Variants in COL7A1 observed in about 807,000 individuals in gnomAD.
COL7A1 encodes the protein collagen alpha-1(VII) chain.
COL7A1 carries 296 observed loss-of-function variants against 456.2 expected under a neutral mutation model. That is an observed-to-expected ratio of 0.65 (90% CI 0.59 to 0.71). The LOEUF is 0.71. Ranked by LOEUF, COL7A1 falls within the 30% of genes least tolerant of loss-of-function variation. The pLI is 0.00. For missense variants in COL7A1, 3,441 were observed against 4,017.2 expected (o/e 0.86, Z 3.88); for synonymous variants, 1,464 against 1,525.9 (o/e 0.96, Z 0.95).
Position 48,573,900 on chromosome 3 carries a change from G to C in COL7A1, c.6502-10C>G, listed in dbSNP as rs200193957. The C allele has an allele frequency of 1.5e-4, 250 of 1,613,014 alleles. No homozygotes were observed. The highest frequency in any genetic ancestry group is 3.8e-4 in the Admixed American group (23 of 59,966). ...TTGGACCCTGCAGACCCTACATAGAGAGGGCACTGATGAGCCTCAATCTGG... is the reference window on the plus strand; with the variant it reads ...TTGGACCCTGCAGACCCTACATAGACAGGGCACTGATGAGCCTCAATCTGG... On this transcript the variant is annotated splice_polypyrimidine_tract_variant and intron_variant, in intron 80 of 118. Transcript: ENST00000681320. The surrounding 1 kb of genome is among the most constrained non-coding windows in gnomAD (Gnocchi z 5.5).
rs1210025426 is a variant in COL7A1 at position 48,593,130 on chromosome 3, A to G, written c.654T>C (p.Thr218=). The G allele has an allele frequency of 5.0e-6, 8 of 1,614,018 alleles. No individual in the cohort carries two copies. The highest frequency in any genetic ancestry group is 1.6e-4 in the Middle Eastern group (1 of 6,084). ...GTCGGGTCACAGGCACGCCACCAGC[A>G]GTCGTGCACACTCTCCGGGAAACGA... ...LPLVSRRVCT[T]AGGVPVTRPP... The change falls in exon 6 of 119, where the codon ACT becomes ACC. Residue 218 remains threonine (T), a synonymous_variant. Coordinates refer to ENST00000681320, the MANE Select transcript of COL7A1 (RefSeq NM_000094.4). This position sits in a 1 kb window ranked among gnomAD's most constrained non-coding sequence, Gnocchi z 4.4.
In COL7A1 at chr3:48,587,910, G is replaced by A. The variant is rs777216448; in HGVS notation, c.2740C>T (p.Pro914Ser). Residue 914 changes from proline (P) to serine (S), a missense_variant, in exon 22 of 119, where the codon CCC (proline) becomes TCC (serine). Pro to Ser is a moderately conservative substitution (Grantham distance 74). Transcript: ENST00000681320. This position sits in a 1 kb window ranked among gnomAD's most constrained non-coding sequence, Gnocchi z 6.1. ...GGQEQSRVLG[P>S]ELSSYHLDGL... The stretch of plus-strand genomic sequence containing the variant: ...TCCAGGTGATAGCTGCTGAGCTCGG[G>A]CCCCAGGACCCGGGACTGTTCCTGG... 3 of 1,604,340 alleles carry A rather than the reference G, an allele frequency of 1.9e-6. No homozygotes were observed. The highest frequency in any genetic ancestry group is 2.2e-5 in the South Asian group (2 of 89,784).
At position 48,578,884 on chromosome 3, in the gene COL7A1, G is replaced by C; in HGVS notation, c.5424+35C>G. On this transcript the variant is annotated intron_variant, in intron 63 of 118. Transcript: ENST00000681320. The surrounding 1 kb of genome is among the most constrained non-coding windows in gnomAD (Gnocchi z 4.7). Reference sequence around the variant, plus strand: ...ATCTGGTTGGAGCTTACGCAGCCCCGAGCCCCCTCTGTCCCAGCATCTCCC... The same window carrying C: ...ATCTGGTTGGAGCTTACGCAGCCCCCAGCCCCCTCTGTCCCAGCATCTCCC... 1 of 1,605,692 alleles carries C rather than the reference G, an allele frequency of 6.2e-7. No homozygotes were observed. The highest frequency in any genetic ancestry group is 1.1e-5 in the South Asian group (1 of 90,334).
rs199607424 is a variant in COL7A1 at position 48,593,525 on chromosome 3, G to T, written c.426+12C>A. On this transcript the variant is annotated intron_variant, in intron 4 of 118. Coordinates refer to ENST00000681320, the MANE Select transcript of COL7A1 (RefSeq NM_000094.4). This position sits in a 1 kb window ranked among gnomAD's most constrained non-coding sequence, Gnocchi z 4.4. ...GGGTCATCTTGGGAGGCATGGTAGG[G>T]GTAGGGATCACCTTGGGGACACCAG... is the stretch of plus-strand genomic sequence containing the variant. 7 of 1,614,012 alleles carry T rather than the reference G, an allele frequency of 4.3e-6. No individual in the cohort carries two copies. The highest frequency in any genetic ancestry group is 1.7e-5 in the Admixed American group (1 of 60,002).
chr3:48,587,796 T>C lies in COL7A1; in HGVS notation c.2854A>G (p.Thr952Ala), dbSNP rs1559424260. 1 of 1,613,266 alleles carries C rather than the reference T, an allele frequency of 6.2e-7. No individual in the cohort carries two copies. Among genetic ancestry groups the C allele is most frequent in the South Asian group, 1.1e-5 (1 of 91,074 alleles). Residue 952 changes from threonine to alanine, a missense_variant, in exon 22 of 119, where the codon ACT becomes GCT. By Grantham distance (58) the Thr-to-Ala change is moderately conservative (BLOSUM62 0). Transcript: ENST00000681320. The surrounding 1 kb of genome is among the most constrained non-coding windows in gnomAD (Gnocchi z 6.1). ...CGCCAAGGTGAGGCAGGCTTACCAG[T>C]GCGCGCAGTCACCTCTGCAGAGGGC... is the stretch of plus-strand genomic sequence containing the variant. ...EGPSAEVTAR[T>A]ESPRVPSIEL...
Position 48,568,486 on chromosome 3 carries a change from A to G in COL7A1, c.7794+13T>C. The G allele has an allele frequency of 6.2e-7, 1 of 1,600,920 alleles. No individual in the cohort carries two copies. On this transcript the variant is annotated intron_variant, in intron 105 of 118. Coordinates refer to ENST00000681320, the MANE Select transcript of COL7A1 (RefSeq NM_000094.4). The surrounding 1 kb of genome is among the most constrained non-coding windows in gnomAD (Gnocchi z 5.2). ...GGGGACAGGGGGCCCCTGTGGGAGC[A>G]GGGGCATCTTACCGGGTCACCAGGG...
chr3:48,588,281 C>G lies in COL7A1; in HGVS notation c.2710+1G>C. 1 of 1,613,066 alleles carries G rather than the reference C, an allele frequency of 6.2e-7. No individual in the cohort carries two copies. Among genetic ancestry groups the G allele is most frequent in the Admixed American group, 1.7e-5 (1 of 60,026 alleles). The stretch of plus-strand genomic sequence containing the variant: ...AACTTCCTCCTGGGGACACCTCTCA[C>G]CCTCAGGTTGCCAGTGCAGAAGGAA... On this transcript the variant is annotated splice_donor_variant, in intron 21 of 118. Coordinates refer to ENST00000681320, the MANE Select transcript of COL7A1 (RefSeq NM_000094.4). LOFTEE classifies it high-confidence loss of function. The surrounding 1 kb of genome is among the most constrained non-coding windows in gnomAD (Gnocchi z 4.6).
In COL7A1 at chr3:48,582,199, C is replaced by T. The variant is rs150603557; in HGVS notation, c.4635+124G>A. 15 of 1,555,834 alleles carry T rather than the reference C, an allele frequency of 9.6e-6. No individual in the cohort carries two copies. In the Middle Eastern group the frequency reaches 5.2e-4, roughly 54 times the overall value. ...GGGGCAGGTTCTAGCAGAAGGAGAG[C>T]CGCAGAGCTCCCAGCCTGCTCACGG... is the stretch of plus-strand genomic sequence containing the variant. On this transcript the variant is annotated intron_variant, in intron 47 of 118. Transcript: ENST00000681320.
Position 48,578,620 on chromosome 3 carries a change from C to T in COL7A1, c.5425-105G>A. ...AAAAGATCTCCCTCCAGGGTAGAGA[C>T]CCCCAGGACTGAGAGGTCCCATTGA... On this transcript the variant is annotated intron_variant, in intron 63 of 118. Coordinates refer to ENST00000681320, the MANE Select transcript of COL7A1 (RefSeq NM_000094.4). This position sits in a 1 kb window ranked among gnomAD's most constrained non-coding sequence, Gnocchi z 4.7. 2 of 1,314,886 alleles carry T rather than the reference C, an allele frequency of 1.5e-6. No homozygotes were observed. Among genetic ancestry groups the T allele is most frequent in the South Asian group, 1.2e-5 (1 of 81,438 alleles). 81.5% of individuals were successfully genotyped at this position (1,314,886 alleles called of 1,614,324 possible).
Position 48,580,038 on chromosome 3 carries a change from C to T in COL7A1, c.5117G>A (p.Gly1706Glu). 2 of 1,613,994 alleles carry T rather than the reference C, an allele frequency of 1.2e-6. No homozygotes were observed. Among genetic ancestry groups the T allele is most frequent in the Non-Finnish European group, 1.7e-6 (2 of 1,179,962 alleles). The change falls in exon 57 of 119, where the codon GGA (glycine) becomes GAA (glutamate). Residue 1706 changes from glycine (G) to glutamate (E), a missense_variant. Physicochemically the swap from Gly to Glu is moderately conservative, Grantham distance 98 (BLOSUM62 -2). This residue lies in a region of COL7A1 where 2,084 missense variants were observed against 2,501.3 expected (regional missense o/e 0.83). Coordinates refer to ENST00000681320, the MANE Select transcript of COL7A1 (RefSeq NM_000094.4). This position sits in a 1 kb window ranked among gnomAD's most constrained non-coding sequence, Gnocchi z 4.5. Reference sequence around the variant, plus strand: ...ACCCAGCGCAGCCCTTACCAGCCGTCCCGGGGGTCCTGGGGGACCCTGGGA... The same window carrying T: ...ACCCAGCGCAGCCCTTACCAGCCGTTCCGGGGGTCCTGGGGGACCCTGGGA... ...RGEPGPPGPP[G>E]RLVDTGPGAR...
In COL7A1 at chr3:48,572,712, C is replaced by G; in HGVS notation, c.6859G>C (p.Gly2287Arg). 6.2e-7 allele frequency: 1 copy of G among 1,608,732 alleles called. No individual in the cohort carries two copies. The highest frequency in any genetic ancestry group is 8.5e-7 in the Non-Finnish European group (1 of 1,177,604). ...PGSPGLPGPV[G>R]PKGEPGPTGA... ...GTGGGGCCAGGTTCTCCTTTAGGTC[C>G]GACAGGGCCAGGCAGACCTGGTGAC... The change falls in exon 88 of 119, where the codon GGA (glycine) becomes CGA (arginine). Residue 2287 changes from glycine (G) to arginine (R), a missense_variant. Physicochemically the swap from Gly to Arg is moderately radical, Grantham distance 125 (BLOSUM62 -2). This residue lies in a region of COL7A1 where 2,084 missense variants were observed against 2,501.3 expected (regional missense o/e 0.83). Transcript: ENST00000681320. The surrounding 1 kb of genome is among the most constrained non-coding windows in gnomAD (Gnocchi z 4.6).
At position 48,569,639 on chromosome 3, in the gene COL7A1, C is replaced by A. The variant is rs2043785243; in HGVS notation, c.7567G>T (p.Ala2523Ser). ...GGGCCTGGAGGCCCCAGGATCACAG[C>A]TGAGTCTCCCTGAGGGGGCAGGCAG... ...AGLKGDKGDS[A>S]VILGPPGPRG... Residue 2523 changes from alanine (A) to serine (S), a missense_variant, in exon 102 of 119, where the codon GCT becomes TCT. Physicochemically the swap from Ala to Ser is moderately conservative, Grantham distance 99. Coordinates refer to ENST00000681320, the MANE Select transcript of COL7A1 (RefSeq NM_000094.4). The surrounding 1 kb of genome is among the most constrained non-coding windows in gnomAD (Gnocchi z 4.9). 6.2e-7 allele frequency: 1 copy of A among 1,613,830 alleles called. No individual in the cohort carries two copies. Among genetic ancestry groups the A allele is most frequent in the Middle Eastern group, 1.6e-4 (1 of 6,084 alleles).
rs1266475243 is a variant in COL7A1 at position 48,574,239 on chromosome 3, C to T, written c.6501+23G>A. The T allele has an allele frequency of 6.2e-7, 1 of 1,613,876 alleles. No homozygotes were observed. Among genetic ancestry groups the T allele is most frequent in the Non-Finnish European group, 8.5e-7 (1 of 1,179,962 alleles). On this transcript the variant is annotated intron_variant, in intron 80 of 118. Transcript: ENST00000681320. This position sits in a 1 kb window ranked among gnomAD's most constrained non-coding sequence, Gnocchi z 5.0. Reference sequence around the variant, plus strand: ...TAGCGGAGGGTCCGGAGCCTGGGGCCAGGTGCTTCAGCCACCACTCACCGG... The same window carrying T: ...TAGCGGAGGGTCCGGAGCCTGGGGCTAGGTGCTTCAGCCACCACTCACCGG...
chr3:48,587,346 A>C lies in COL7A1; in HGVS notation c.2993-10T>G. On this transcript the variant is annotated splice_polypyrimidine_tract_variant and intron_variant, in intron 23 of 118. Transcript: ENST00000681320. This position sits in a 1 kb window ranked among gnomAD's most constrained non-coding sequence, Gnocchi z 6.1. ...GGGGACCCAGGCACTTCTGCAGGAG[A>C]CAGAACTTGATTAAAAAGCTGTCTC... 6.2e-7 allele frequency: 1 copy of C among 1,609,116 alleles called. No individual in the cohort carries two copies. Among genetic ancestry groups the C allele is most frequent in the East Asian group, 2.2e-5 (1 of 44,646 alleles).
rs1466823994 is a variant in COL7A1, at chr3:48,574,300, G to A, written c.6463C>T (p.Pro2155Ser). 5.0e-6 allele frequency: 8 copies of A among 1,614,090 alleles called. No individual in the cohort carries two copies. The highest frequency in any genetic ancestry group is 1.3e-5 in the African/African-American group (1 of 74,982). Residue 2155 changes from proline to serine, a missense_variant, in exon 80 of 119, where the codon CCA becomes TCA. Pro to Ser is a moderately conservative substitution (Grantham distance 74, BLOSUM62 -1). This residue lies in a region of COL7A1 where 2,084 missense variants were observed against 2,501.3 expected (regional missense o/e 0.83). Coordinates refer to ENST00000681320, the MANE Select transcript of COL7A1 (RefSeq NM_000094.4). This position sits in a 1 kb window ranked among gnomAD's most constrained non-coding sequence, Gnocchi z 5.0. ...PRGQDGNPGL[P>S]GERGMAGPEG... ...GGCCCAGCCATACCACGCTCTCCTG[G>A]TAGACCCTGCAGAGAATAGGTTTAA... is the stretch of plus-strand genomic sequence containing the variant.
rs779640568 is a variant in COL7A1 at position 48,564,363 on chromosome 3, G to A, written c.*43C>T. ...GACAGTGGGGTTCTGCTGAGACCCCGACTCCTCCAGGGGATGCTGAATCTC... is the reference window on the plus strand; with the variant it reads ...GACAGTGGGGTTCTGCTGAGACCCCAACTCCTCCAGGGGATGCTGAATCTC... On this transcript the variant is annotated 3_prime_UTR_variant, in exon 119 of 119. Coordinates refer to ENST00000681320, the MANE Select transcript of COL7A1 (RefSeq NM_000094.4). This position sits in a 1 kb window ranked among gnomAD's most constrained non-coding sequence, Gnocchi z 6.0. The A allele has an allele frequency of 1.4e-5, 22 of 1,612,482 alleles. No homozygotes were observed. Among genetic ancestry groups the A allele is most frequent in the Admixed American group, 1.7e-5 (1 of 59,992 alleles).
In COL7A1 at chr3:48,585,841, G is replaced by C. The variant is rs757165321; in HGVS notation, c.3775C>G (p.Pro1259Ala). The C allele has an allele frequency of 1.2e-6, 2 of 1,613,952 alleles. No individual in the cohort carries two copies. The highest frequency in any genetic ancestry group is 2.7e-5 in the African/African-American group (2 of 74,914). Residue 1259 changes from proline to alanine, a missense_variant, in exon 30 of 119, where the codon CCT becomes GCT. This residue lies in a region of COL7A1 where 2,084 missense variants were observed against 2,501.3 expected (regional missense o/e 0.83). Coordinates refer to ENST00000681320, the MANE Select transcript of COL7A1 (RefSeq NM_000094.4). This position sits in a 1 kb window ranked among gnomAD's most constrained non-coding sequence, Gnocchi z 4.5. ...VYCPKGQKGE[P>A]GEMGLRGQVG... ...GCAGGGGCACTCACCATCTCTCCAG[G>C]TTCCCCCTTCTGGCCCTGGGGAAAG...
Position 48,575,448 on chromosome 3 carries a change from C to T in COL7A1, c.6071G>A (p.Arg2024Lys). The part of the protein sequence containing the change: ...QGPPGLALGE[R>K]GPPGPSGLAG... ...AAGGCCGGAAGGCCCGGGGGGGCCC[C>T]TCTCCCCAAGGGCCAGACCAGGTGG... The change falls in exon 74 of 119, where the codon AGG becomes AAG. Residue 2024 changes from arginine (R) to lysine (K), a missense_variant. This residue lies in a region of COL7A1 where 2,084 missense variants were observed against 2,501.3 expected (regional missense o/e 0.83). Transcript: ENST00000681320. The surrounding 1 kb of genome is among the most constrained non-coding windows in gnomAD (Gnocchi z 6.3). The T allele has an allele frequency of 6.2e-7, 1 of 1,610,646 alleles. No individual in the cohort carries two copies. Among genetic ancestry groups the T allele is most frequent in the African/African-American group, 1.3e-5 (1 of 74,936 alleles).
In COL7A1 at chr3:48,566,453, C is replaced by T; in HGVS notation, c.8358+57G>A. 1 of 1,610,810 alleles carries T rather than the reference C, an allele frequency of 6.2e-7. No individual in the cohort carries two copies. Among genetic ancestry groups the T allele is most frequent in the Non-Finnish European group, 8.5e-7 (1 of 1,177,794 alleles). ...AGGGTGCTGGGTGAGGGAGGTAGGG[C>T]CCCAGCCCACCCAGGCCCACCCAGG... On this transcript the variant is annotated intron_variant, in intron 113 of 118. Coordinates refer to ENST00000681320, the MANE Select transcript of COL7A1 (RefSeq NM_000094.4). This position sits in a 1 kb window ranked among gnomAD's most constrained non-coding sequence, Gnocchi z 5.9.
Sources: allele counts gnomAD v4.1 joint callset, GRCh38; gene constraint gnomAD v4.1.1; regional missense constraint gnomAD v4.1.1; non-coding constraint Gnocchi (gnomAD v3.1); transcripts MANE v1.5; gene names NCBI Gene and HGNC (gene_info 2026-07-23, HGNC 2026-07-21).